NBAS: variants seen among roughly 807,000 people sequenced by gnomAD.
NBAS encodes the protein NBAS subunit of NRZ tethering complex, also known as NAG/BC035112 fusion.
In NBAS, 219 loss-of-function variants were observed where a neutral mutation model predicts 302.5. The ratio of observed to expected loss-of-function variants is 0.72; its 90% CI spans 0.65 to 0.81. NBAS has a LOEUF of 0.81. NBAS is among the 30% of genes least tolerant of loss of function. The pLI is 0.00. For missense variants in NBAS, 2,932 were observed against 2,841.6 expected (o/e 1.03, Z -0.72); for synonymous variants, 1,118 against 1,021.6 (o/e 1.09, Z -1.80).
At chr2:15,161,370 A>C in the NBAS span, among the ~76,000 whole-genome samples, 1 of 152,208 alleles carries the variant, frequency 6.6e-6, no homozygotes, top group Non-Finnish European at 1.5e-5. Context: ...TGATGTAAAA[A>C]AACGAGCTAA....
At chr2:15,002,631 G>A in the NBAS span, among the ~76,000 whole-genome samples, 3 of 152,230 alleles carry the variant, frequency 2.0e-5, no homozygotes, top group African/African-American at 7.2e-5. Context: ...TCCCACGGAG[G>A]TGGTGGGAGG....
chr2:14,966,040 C>T, the NBAS span, among the ~76,000 whole-genome samples: 1 of 152,124 alleles, frequency 6.6e-6, no homozygotes, highest in Non-Finnish European at 1.5e-5. Context: ...CAGCAAGTGG[C>T]AACGGAGGCA....
chr2:15,451,125 G>C lies in NBAS; in HGVS notation c.2339+10076C>G, dbSNP rs557725762. Among the ~76,000 whole-genome samples, 136 of 152,272 alleles carry C rather than the reference G, an allele frequency of 8.9e-4. 1 individual carries two copies. The highest frequency in any genetic ancestry group is 3.4e-3 in the Middle Eastern group (1 of 294). ...GGAGTACAGTGGAGCGGTCACAGCT[G>C]ACTGTAACCTTGAAATCCAGAGCTC... On this transcript the variant is annotated intron_variant, in intron 21 of 51. Coordinates refer to ENST00000281513, the MANE Select transcript of NBAS (RefSeq NM_015909.4).
chr2:15,097,499 C>T, the NBAS span, among the ~76,000 whole-genome samples: 1 of 152,042 alleles, frequency 6.6e-6, no homozygotes, highest in South Asian at 2.1e-4. Flanking sequence ...GCTGATAAAC[C>T]ACAGAAATTT....
downstream of NBAS, among the ~76,000 whole-genome samples, chr2:15,163,858 G>A (rs1663952402): frequency 6.6e-6 from 1 of 151,496 alleles, no homozygotes; most frequent in South Asian, 2.1e-4. Flanking sequence ...GTGCAGTGGT[G>A]CAATCTCGGC....
chr2:15,231,564 C>A (rs1198110537), intron 47 of NBAS, among the ~76,000 whole-genome samples: 1 of 152,082 alleles, frequency 6.6e-6, no homozygotes, highest in Non-Finnish European at 1.5e-5. Flanking sequence ...AAATAATAAT[C>A]ACAATAATCA....
Position 15,474,464 on chromosome 2 carries a change from C to T in NBAS, c.1342-140G>A. On this transcript the variant is annotated intron_variant, in intron 14 of 51. Coordinates refer to ENST00000281513, the MANE Select transcript of NBAS (RefSeq NM_015909.4). ...TATGTGATCAAGATTAACAATGGAA[C>T]TCAAAGGAACCTTACAGCAAGCATT... is the stretch of plus-strand genomic sequence containing the variant. 8.0e-6 allele frequency: 7 copies of T among 869,716 alleles called. No homozygotes were observed. The South Asian group carries it at 1.3e-4, about 16-fold the overall frequency. The allele number at this position is 869,716 out of a possible 1,614,324, so 53.9% of individuals were successfully genotyped here.
chr2:15,031,150 T>C, the NBAS span, among the ~76,000 whole-genome samples: 2 of 152,216 alleles, frequency 1.3e-5, no homozygotes, highest in Non-Finnish European at 2.9e-5. Flanking sequence ...TGTCAAAAAA[T>C]ATAAAGCATC....
chr2:14,810,809 T>C, the NBAS span, among the ~76,000 whole-genome samples: 12 of 152,196 alleles, frequency 7.9e-5, no homozygotes, highest in Non-Finnish European at 1.5e-4. Flanking sequence ...TATTAGCAAT[T>C]TAACAAAGTG....
At chr2:15,268,789 T>C (rs1008397262) in intron 44 of NBAS, among the ~76,000 whole-genome samples, 3 of 152,186 alleles carry the variant, frequency 2.0e-5, no homozygotes, top group African/African-American at 7.2e-5. Context: ...ACAATAAAGC[T>C]GGTATTTTCC....
chr2:14,821,686 C>CA, the NBAS span, among the ~76,000 whole-genome samples: 4 of 151,858 alleles, frequency 2.6e-5, no homozygotes, highest in Non-Finnish European at 5.9e-5. Context: ...AGGACTCCAG[C>CA]AAAAAAGTCT....
chr2:15,114,517 C>G, the NBAS span, among the ~76,000 whole-genome samples: 1 of 152,076 alleles, frequency 6.6e-6, no homozygotes, highest in Non-Finnish European at 1.5e-5. Flanking sequence ...CTTCAACATA[C>G]GAATTTATGG....
At chr2:14,991,279 A>T in the NBAS span, among the ~76,000 whole-genome samples, 21 of 151,634 alleles carry the variant, frequency 1.4e-4, no homozygotes, top group Non-Finnish European at 2.7e-4. Context: ...TATAATTTAA[A>T]AAAAAAACCC....
chr2:15,138,877 CAAA>C, the NBAS span, among the ~76,000 whole-genome samples: 1 of 152,136 alleles, frequency 6.6e-6, no homozygotes. Context: ...CAGTGTGAAA[CAAA>C]GAAGTCAGCT....
the NBAS span, among the ~76,000 whole-genome samples, chr2:14,963,237 C>G: frequency 2.6e-5 from 4 of 152,166 alleles, no homozygotes; most frequent in South Asian, 8.3e-4. Flanking sequence ...CCCAGCACTC[C>G]AGCCTGGGTG....
At chr2:14,809,264 G>T in the NBAS span, among the ~76,000 whole-genome samples, 14 of 152,192 alleles carry the variant, frequency 9.2e-5, no homozygotes, top group Non-Finnish European at 1.8e-4. Flanking sequence ...TGTTTCCAGG[G>T]CATAACAGAG....
the NBAS span, among the ~76,000 whole-genome samples, chr2:14,801,747 T>C: frequency 1.3e-5 from 2 of 152,210 alleles, no homozygotes; most frequent in South Asian, 2.1e-4. Flanking sequence ...TTTGTATTCC[T>C]ATAAATATTT....
chr2:15,353,064 C>T (rs1419773624), intron 34 of NBAS, among the ~76,000 whole-genome samples: 1 of 152,116 alleles, frequency 6.6e-6, no homozygotes, highest in African/African-American at 2.4e-5. Context: ...TCTCCTCATA[C>T]ATTTAACAGT....
the NBAS span, among the ~76,000 whole-genome samples, chr2:14,884,388 G>A: frequency 3.9e-5 from 6 of 152,194 alleles, no homozygotes; most frequent in South Asian, 8.3e-4. Flanking sequence ...ATTCATGTGC[G>A]TGACTTTTCA....
Sources: gnomAD v4.1 joint callset for allele counts (sites outside exome capture counted in the v4.1 genomes callset) on GRCh38, gnomAD v4.1.1 for gene constraint, MANE v1.5 for transcripts, NCBI Gene and HGNC (gene_info 2026-07-23, HGNC 2026-07-21) for gene names.